The following OSBPL6 variants were observed in gnomAD, a reference collection of about 807,000 sequenced individuals.
OSBPL6 encodes oxysterol-binding protein-related protein 6.
Under a neutral mutation model 125.8 loss-of-function variants are expected in OSBPL6, and 49 were observed. The observed-to-expected ratio is 0.39, with a 90% CI of 0.31 to 0.49. OSBPL6 has a LOEUF of 0.49. Among genes scored for constraint, OSBPL6 ranks in the 20% least tolerant of loss-of-function variants. The pLI is 0.88. For missense variants in OSBPL6, 986 were observed against 1,135.4 expected (o/e 0.87, Z 1.89); for synonymous variants, 394 against 391.8 (o/e 1.01, Z -0.07).
At chr2:178,329,463 G>A (rs1688995386) in intron 5 of OSBPL6, among the ~76,000 whole-genome samples, 1 of 148,026 alleles carries the variant, frequency 6.8e-6, no homozygotes. Context: ...CACCCAGGCT[G>A]GAGTGCAATG....
intron 3 of OSBPL6, among the ~76,000 whole-genome samples, chr2:178,321,050 C>A (rs2154070762): frequency 6.6e-6 from 1 of 152,254 alleles, no homozygotes; most frequent in Middle Eastern, 3.4e-3. Flanking sequence ...ACTCTGGAGG[C>A]TGAGGCAGGA....
At chr2:178,311,027 A>G (rs1157404299) in intron 3 of OSBPL6, among the ~76,000 whole-genome samples, 1 of 152,054 alleles carries the variant, frequency 6.6e-6, no homozygotes, top group Non-Finnish European at 1.5e-5. Context: ...TACCTTCACA[A>G]CCTAAGTCAG....
chr2:178,298,457 CTT>C (rs1451886782), intron 2 of OSBPL6, among the ~76,000 whole-genome samples: 1 of 152,098 alleles, frequency 6.6e-6, no homozygotes, highest in African/African-American at 2.4e-5. Context: ...GAGTTTTGCT[CTT>C]GTTGCCCAGG....
At chr2:178,324,113 C>T in intron 3 of OSBPL6, 64 bp from the exon 4 acceptor site, 1 of 1,042,128 alleles carries the variant, frequency 9.6e-7, no homozygotes, top group Non-Finnish European at 1.4e-6. Flanking sequence ...TGATTTCATC[C>T]CCATGCACAT....
At chr2:178,195,630 G>T (rs915861681) in intron 1 of OSBPL6, among the ~76,000 whole-genome samples, 1 of 152,214 alleles carries the variant, frequency 6.6e-6, no homozygotes, top group Admixed American at 6.5e-5. Flanking sequence ...CCTAAAGCTA[G>T]GGGAAGCATT....
chr2:178,254,585 T>C (rs2091818509), intron 1 of OSBPL6, among the ~76,000 whole-genome samples: 1 of 152,218 alleles, frequency 6.6e-6, no homozygotes, highest in South Asian at 2.1e-4. Context: ...CATTCAAATT[T>C]AGCTAGATGT....
At chr2:178,381,662 G>A (rs111961015) in intron 15 of OSBPL6, among the ~76,000 whole-genome samples, 18 of 103,434 alleles carry the variant, frequency 1.7e-4, no homozygotes, top group African/African-American at 6.6e-4. Context: ...TGACTGAGCT[G>A]TATTTCTTAC....
chr2:178,289,743 C>A (rs748718805), intron 2 of OSBPL6, among the ~76,000 whole-genome samples: 2 of 152,188 alleles, frequency 1.3e-5, no homozygotes, highest in African/African-American at 4.8e-5. Context: ...TTTCTCAAGT[C>A]ATTCACTTGT....
At chr2:178,301,192 T>C (rs1686245504) in intron 2 of OSBPL6, among the ~76,000 whole-genome samples, 1 of 151,468 alleles carries the variant, frequency 6.6e-6, no homozygotes, top group African/African-American at 2.4e-5. Flanking sequence ...AGAGATGATA[T>C]CAGATAAAGC....
chr2:178,358,581 C>T (rs1022852317), intron 12 of OSBPL6, among the ~76,000 whole-genome samples: 1 of 152,074 alleles, frequency 6.6e-6, no homozygotes, highest in Non-Finnish European at 1.5e-5. Flanking sequence ...TATCTTACAC[C>T]ATACACAAAA....
At chr2:178,225,683 G>T in intron 1 of OSBPL6, among the ~76,000 whole-genome samples, 1 of 152,172 alleles carries the variant, frequency 6.6e-6, no homozygotes, top group Non-Finnish European at 1.5e-5. Context: ...TCACAATCAT[G>T]GCAGAAGGCA....
chr2:178,343,932 C>G (rs1319921493), intron 11 of OSBPL6, among the ~76,000 whole-genome samples: 3 of 152,128 alleles, frequency 2.0e-5, no homozygotes, highest in African/African-American at 7.2e-5. Context: ...TTTTTCCTTG[C>G]TACCGTTTAT....
At chr2:178,323,146 G>T (rs762044627) in intron 3 of OSBPL6, among the ~76,000 whole-genome samples, 3 of 151,966 alleles carry the variant, frequency 2.0e-5, no homozygotes, top group Non-Finnish European at 4.4e-5. Flanking sequence ...GCAAAATTCC[G>T]CTTTAGAAAG....
At chr2:178,345,375 A>G (rs918993015) in intron 11 of OSBPL6, among the ~76,000 whole-genome samples, 1 of 152,194 alleles carries the variant, frequency 6.6e-6, no homozygotes, top group Non-Finnish European at 1.5e-5. Flanking sequence ...TTTCTACTTT[A>G]TGATTAGTAA....
intron 3 of OSBPL6, among the ~76,000 whole-genome samples, chr2:178,321,319 A>G (rs1574861505): frequency 2.0e-5 from 3 of 152,132 alleles, no homozygotes; most frequent in Admixed American, 2.0e-4. Flanking sequence ...GAATTCCAGG[A>G]TGAAGATGAG....
intron 1 of OSBPL6, among the ~76,000 whole-genome samples, chr2:178,204,310 C>T (rs2153942184): frequency 6.6e-6 from 1 of 152,336 alleles, no homozygotes; most frequent in Middle Eastern, 3.4e-3. Context: ...AGGTGTGAGC[C>T]ACCCTGCCCG....
intron 8 of OSBPL6, among the ~76,000 whole-genome samples, chr2:178,334,467 GA>G (rs1178641716): frequency 1.3e-5 from 2 of 152,094 alleles, no homozygotes; most frequent in African/African-American, 4.8e-5. Context: ...GTTTTTGATA[GA>G]TCCTATTAAC....
rs187637405 is a variant in OSBPL6, at chr2:178,226,657, G to A, written c.-351+31983G>A. On this transcript the variant is annotated intron_variant, in intron 1 of 24. Transcript: ENST00000190611. ...GGGACTATTCAGTATATGGAACAGA[G>A]AAGAAATGGTTATCTTTAACGGATT... Among the ~76,000 whole-genome samples, 263 of 152,312 alleles carry A rather than the reference G, an allele frequency of 1.7e-3. 2 individuals carry two copies. The highest frequency in any genetic ancestry group is 6.1e-3 in the African/African-American group (253 of 41,578).
chr2:178,370,136 A>T (rs968526887), intron 13 of OSBPL6, among the ~76,000 whole-genome samples: 5 of 152,116 alleles, frequency 3.3e-5, no homozygotes, highest in Non-Finnish European at 7.4e-5. Context: ...GTGGTGGTGC[A>T]TACCTGTAAT....
Sources: allele counts gnomAD v4.1 joint callset (sites outside exome capture counted in the v4.1 genomes callset), GRCh38; gene constraint gnomAD v4.1.1; transcripts MANE v1.5; gene names NCBI Gene and HGNC (gene_info 2026-07-23, HGNC 2026-07-21).